The following NTM variants were observed in gnomAD, a reference collection of about 807,000 sequenced individuals.
The protein encoded by NTM is neurotrimin.
NTM carries 13 observed loss-of-function variants against 42.1 expected under a neutral mutation model. That is an observed-to-expected ratio of 0.31 (90% CI 0.20 to 0.49). The LOEUF (loss-of-function observed/expected upper bound fraction) is 0.49, where lower values mean the gene tolerates loss of function less well. NTM is among the 20% of genes least tolerant of loss of function. The pLI is 0.99. For synonymous variants in NTM, 187 were observed against 179.2 expected (o/e 1.04, Z -0.35); for missense variants, 373 against 452.8 (o/e 0.82, Z 1.60).
intron 2 of NTM, among the ~76,000 whole-genome samples, chr11:132,088,986 G>A (rs777062837): frequency 1.1e-4 from 17 of 152,080 alleles, no homozygotes; most frequent in Non-Finnish European, 1.8e-4. Context: ...AATGCCTAAT[G>A]ATTTCCCATT....
intron 1 of NTM, among the ~76,000 whole-genome samples, chr11:131,402,782 T>A (rs750901356): frequency 9.2e-5 from 14 of 152,214 alleles, no homozygotes; most frequent in Non-Finnish European, 1.6e-4. Context: ...ACCAGAACTC[T>A]TATTAGAATT....
intron 1 of NTM, among the ~76,000 whole-genome samples, chr11:131,822,603 C>T (rs906401520): frequency 1.3e-5 from 2 of 152,094 alleles, no homozygotes; most frequent in Admixed American, 6.5e-5. Flanking sequence ...GAATCAGCAA[C>T]TGATAAGGGG....
intron 2 of NTM, among the ~76,000 whole-genome samples, chr11:131,945,324 T>C (rs1162682611): frequency 6.6e-6 from 1 of 152,174 alleles, no homozygotes; most frequent in Non-Finnish European, 1.5e-5. Flanking sequence ...GGAAGTGAGA[T>C]GCCTGAACTC....
chr11:131,428,767 G>C (rs1948397946), intron 1 of NTM, among the ~76,000 whole-genome samples: 1 of 151,686 alleles, frequency 6.6e-6, no homozygotes, highest in South Asian at 2.1e-4. Context: ...GGGGGTGATG[G>C]CTCACGCCTA....
chr11:131,821,515 A>T (rs1042475724), intron 1 of NTM, among the ~76,000 whole-genome samples: 1 of 152,242 alleles, frequency 6.6e-6, no homozygotes, highest in Non-Finnish European at 1.5e-5. Flanking sequence ...GTGGACCACA[A>T]TCAAATACTT....
chr11:132,183,942 C>A (rs1200806226), intron 3 of NTM, among the ~76,000 whole-genome samples: 1 of 151,738 alleles, frequency 6.6e-6, no homozygotes, highest in Non-Finnish European at 1.5e-5. Context: ...ATGATGCCTG[C>A]TAATCTAGAG....
chr11:131,442,705 G>A (rs2135986320), intron 1 of NTM, among the ~76,000 whole-genome samples: 1 of 152,154 alleles, frequency 6.6e-6, no homozygotes. Context: ...ATTTCACTTA[G>A]GATAATGGCC....
intron 2 of NTM, among the ~76,000 whole-genome samples, chr11:132,140,635 A>G (rs2068901881): frequency 6.6e-6 from 1 of 152,208 alleles, no homozygotes; most frequent in Non-Finnish European, 1.5e-5. Flanking sequence ...ATAAAGGAGT[A>G]AGGTGCTAGC....
chr11:131,580,262 G>T (rs759445863), intron 1 of NTM, among the ~76,000 whole-genome samples: 5 of 152,140 alleles, frequency 3.3e-5, no homozygotes, highest in Non-Finnish European at 7.3e-5. Flanking sequence ...ATTAATGCTG[G>T]CTGCTTTATC....
chr11:132,245,070 C>T (rs1046665268), intron 4 of NTM, among the ~76,000 whole-genome samples: 4 of 152,176 alleles, frequency 2.6e-5, no homozygotes, highest in East Asian at 1.9e-4. Context: ...TTCTATCTGT[C>T]GTGAATATTA....
chr11:131,879,508 T>C (rs968897301), intron 1 of NTM, among the ~76,000 whole-genome samples: 2 of 152,152 alleles, frequency 1.3e-5, no homozygotes, highest in African/African-American at 2.4e-5. Context: ...AGTAAACTTA[T>C]TAGGTGAATT....
intron 2 of NTM, among the ~76,000 whole-genome samples, chr11:132,111,957 A>C (rs893979708): frequency 5.9e-5 from 9 of 152,250 alleles, no homozygotes; most frequent in Admixed American, 1.3e-4. Context: ...TGGCAAAGGA[A>C]GAGAGAAACT....
At chr11:131,696,947 T>A (rs1260572943) in intron 1 of NTM, among the ~76,000 whole-genome samples, 1 of 152,184 alleles carries the variant, frequency 6.6e-6, no homozygotes, top group Non-Finnish European at 1.5e-5. Context: ...TTAAGGAATG[T>A]CACCTTGCCC....
Position 131,938,297 on chromosome 11 carries a change from C to T in NTM, c.167+26649C>T, listed in dbSNP as rs1175721087. Among the ~76,000 whole-genome samples, 4 of 152,154 alleles carry T rather than the reference C, an allele frequency of 2.6e-5. No individual in the cohort carries two copies. In the East Asian group the frequency reaches 7.7e-4, roughly 29 times the overall value. On this transcript the variant is annotated intron_variant, in intron 2 of 8. Coordinates refer to ENST00000683400, the MANE Select transcript of NTM (RefSeq NM_001352005.2). The stretch of plus-strand genomic sequence containing the variant: ...TGGAGACGGGAACAGTGGACCTGAG[C>T]CCCGGGGGATGGGCAGGAGGCAGCC...
chr11:131,420,708 G>T (rs143065405), intron 1 of NTM, among the ~76,000 whole-genome samples: 5 of 152,158 alleles, frequency 3.3e-5, no homozygotes, highest in Non-Finnish European at 4.4e-5. Context: ...GGAATTCAAG[G>T]CTTGGGCATC....
intron 1 of NTM, among the ~76,000 whole-genome samples, chr11:131,722,692 A>G (rs1248560490): frequency 6.6e-6 from 1 of 152,220 alleles, no homozygotes; most frequent in African/African-American, 2.4e-5. Context: ...ACTTGGTGTG[A>G]GCTGCAGGGC....
At position 131,372,803 on chromosome 11, in the gene NTM, TC is replaced by T. The variant is rs201961849; in HGVS notation, c.82+1916del. 4.2e-3 allele frequency among the ~76,000 whole-genome samples: 643 copies of T among 152,114 alleles called. 4 individuals carry two copies. Among genetic ancestry groups the T allele is most frequent in the African/African-American group, 0.015 (605 of 41,474 alleles). ...AAATTAGCATACGTGATTTTTTTTT[TC>T]ATCAGAATAAATGCAGGGAAGCATA... On this transcript the variant is annotated intron_variant, in intron 1 of 8. Transcript: ENST00000683400.
At chr11:132,066,050 C>G (rs1171834947) in intron 2 of NTM, among the ~76,000 whole-genome samples, 3 of 152,138 alleles carry the variant, frequency 2.0e-5, no homozygotes, top group Non-Finnish European at 4.4e-5. Context: ...TTCTCCATGT[C>G]TCCCATGAAG....
chr11:131,549,409 T>G (rs1468879416), intron 1 of NTM, among the ~76,000 whole-genome samples: 5 of 152,260 alleles, frequency 3.3e-5, no homozygotes, highest in Non-Finnish European at 7.4e-5. Context: ...TTTTAAAAAT[T>G]GTAATTAAAA....
Sources: allele counts gnomAD v4.1 joint callset (sites outside exome capture counted in the v4.1 genomes callset), GRCh38; gene constraint gnomAD v4.1.1; transcripts MANE v1.5; gene names NCBI Gene and HGNC (gene_info 2026-07-23, HGNC 2026-07-21).